TTC7A: variants seen among roughly 807,000 people sequenced by gnomAD.
TTC7A encodes tetratricopeptide repeat domain 7A.
A neutral mutation model predicts 103.7 loss-of-function variants in TTC7A; 110 were observed. That is an observed-to-expected ratio of 1.06 (90% CI 0.91 to 1.24). The LOEUF (loss-of-function observed/expected upper bound fraction) is 1.24, where lower values mean the gene tolerates loss of function less well. TTC7A is among the 50% of genes most tolerant of loss of function. The probability of loss-of-function intolerance (pLI) is 0.00; values close to 1 mark genes in which losing one functional copy is unlikely to be tolerated. For missense variants in TTC7A, 1,340 were observed against 1,116.3 expected, an observed-to-expected ratio of 1.20 and a Z score of -2.86; for synonymous variants, 521 against 467.9, an observed-to-expected ratio of 1.11 and a Z score of -1.47.
At chr2:46,947,227 C>G (rs781010079) in intron 1 of TTC7A, among the ~76,000 whole-genome samples, 2 of 152,116 alleles carry the variant, frequency 1.3e-5, no homozygotes, top group Non-Finnish European at 2.9e-5. Flanking sequence ...GTGACCCTAA[C>G]AATATTGCAT....
intron 1 of TTC7A, among the ~76,000 whole-genome samples, chr2:46,948,602 G>C (rs77373313): frequency 0.02 from 3,002 of 152,266 alleles, 37 homozygotes; most frequent in Middle Eastern, 0.058. Context: ...CTTACGGTGA[G>C]AGATTCTTCT....
chr2:46,978,756 T>C, intron 4 of TTC7A, 36 bp from the exon 5 acceptor site: 1 of 1,575,666 alleles, frequency 6.3e-7, no homozygotes, highest in South Asian at 1.1e-5. Context: ...CCTCAGAACT[T>C]TGAGACAATG....
At chr2:47,002,135 T>C (rs1370658763) in intron 8 of TTC7A, among the ~76,000 whole-genome samples, 1 of 152,164 alleles carries the variant, frequency 6.6e-6, no homozygotes, top group Non-Finnish European at 1.5e-5. Flanking sequence ...TGTTCTTTAA[T>C]TGAGGAGGGG....
At chr2:47,051,987 A>G in intron 18 of TTC7A, 107 bp downstream of exon 18, 4 of 1,416,072 alleles carry the variant, frequency 2.8e-6, no homozygotes, top group Non-Finnish European at 3.8e-6. Flanking sequence ...ACACCTTGCT[A>G]GGCCCACGCG....
At chr2:46,960,535 T>A (rs2104060981) in intron 3 of TTC7A, among the ~76,000 whole-genome samples, 1 of 152,312 alleles carries the variant, frequency 6.6e-6, no homozygotes, top group Non-Finnish European at 1.5e-5. Context: ...ACCCAGGAGC[T>A]TGCAGGGGCC....
At position 47,029,272 on chromosome 2, in the gene TTC7A, G is replaced by A; in HGVS notation, c.1690G>A (p.Asp564Asn). ...QLQEALKVRKDDAHALHLLAL... is the reference protein window; with the variant it reads ...QLQEALKVRKNDAHALHLLAL... Reference sequence around the variant, plus strand: ...GCAGGAGGCCCTGAAGGTACGCAAGGATGATGCCCACGCCCTCCACCTGCT... The same window carrying A: ...GCAGGAGGCCCTGAAGGTACGCAAGAATGATGCCCACGCCCTCCACCTGCT... The change falls in exon 15 of 20, where the codon GAT becomes AAT. Residue 564 changes from aspartate (D) to asparagine (N), a missense_variant. By Grantham distance (23) the Asp-to-Asn change is conservative. Transcript: ENST00000319190. The A allele has an allele frequency of 6.2e-7, 1 of 1,614,044 alleles. No individual in the cohort carries two copies. Among genetic ancestry groups the A allele is most frequent in the Non-Finnish European group, 8.5e-7 (1 of 1,180,036 alleles).
At chr2:47,045,036 G>A (rs1253686446) in intron 15 of TTC7A, among the ~76,000 whole-genome samples, 4 of 152,216 alleles carry the variant, frequency 2.6e-5, no homozygotes, top group Non-Finnish European at 4.4e-5. Context: ...CCTCAGGTGG[G>A]CTGGTAGAAC....
At chr2:47,065,914 AGAG>A (rs2104801307) in intron 19 of TTC7A, 1 of 152,250 alleles carries the variant, frequency 6.6e-6, no homozygotes, top group Admixed American at 6.5e-5. Context: ...CAGACTCTGG[AGAG>A]GAGGAGTTTC....
At chr2:47,054,445 C>A (rs1683148520) in intron 18 of TTC7A, among the ~76,000 whole-genome samples, 1 of 152,182 alleles carries the variant, frequency 6.6e-6, no homozygotes, top group Non-Finnish European at 1.5e-5. Context: ...ACATCACCTC[C>A]CCTCATGATC....
intron 1 of TTC7A, among the ~76,000 whole-genome samples, chr2:46,944,644 G>A (rs917293129): frequency 6.6e-6 from 1 of 152,116 alleles, no homozygotes; most frequent in Non-Finnish European, 1.5e-5. Flanking sequence ...GATCACTTGA[G>A]GCCAGGAGTT....
intron 5 of TTC7A, among the ~76,000 whole-genome samples, chr2:46,985,124 T>C (rs1271290069): frequency 1.3e-5 from 2 of 152,320 alleles, no homozygotes; most frequent in Non-Finnish European, 2.9e-5. Context: ...AGGTGTTGAC[T>C]GACCGTCACC....
rs567898240 is a variant in TTC7A, at chr2:47,059,104, C to A, written c.2153-1665C>A. Among the ~76,000 whole-genome samples the A allele has an allele frequency of 4.0e-5, 6 of 149,828 alleles. No homozygotes were observed. The East Asian group carries it at 9.8e-4, about 24-fold the overall frequency. On this transcript the variant is annotated intron_variant, in intron 18 of 19. Transcript: ENST00000319190. ...TGGCGCGATCGCAGCTCACCACAAC[C>A]TCCGCCTCCCAGATTCAATGAACTC...
intron 15 of TTC7A, among the ~76,000 whole-genome samples, chr2:47,032,858 GCAAAAAA>G (rs1680709817): frequency 8.4e-5 from 2 of 23,888 alleles, no homozygotes; most frequent in African/African-American, 4.7e-4. Context: ...GTTGTTTTAA[GCAAAAAA>G]AAAAAAAAAA....
rs931044353 is a variant in TTC7A at position 47,007,826 on chromosome 2, A to G, written c.1287+1102A>G. Reference sequence around the variant, plus strand: ...CATCACATCGGACACCTCACAGAGCATCTTGAAGTCACAGCATGATCTCCT... The same window carrying G: ...CATCACATCGGACACCTCACAGAGCGTCTTGAAGTCACAGCATGATCTCCT... On this transcript the variant is annotated intron_variant, in intron 10 of 19. Coordinates refer to ENST00000319190, the MANE Select transcript of TTC7A (RefSeq NM_020458.4). This position sits in a 1 kb window ranked among gnomAD's most constrained non-coding sequence, Gnocchi z 4.9. Among the ~76,000 whole-genome samples the G allele has an allele frequency of 6.6e-6, 1 of 152,202 alleles. No individual in the cohort carries two copies. The highest frequency in any genetic ancestry group is 1.5e-5 in the Non-Finnish European group (1 of 68,024).
intron 8 of TTC7A, among the ~76,000 whole-genome samples, chr2:47,002,542 G>A (rs1478164004): frequency 6.7e-6 from 1 of 149,488 alleles, no homozygotes; most frequent in Non-Finnish European, 1.5e-5. Flanking sequence ...CCCAGAGCAT[G>A]GGGGTACACC....
intron 5 of TTC7A, among the ~76,000 whole-genome samples, chr2:46,981,943 G>A (rs1674510323): frequency 6.6e-6 from 1 of 152,230 alleles, no homozygotes; most frequent in South Asian, 2.1e-4. Flanking sequence ...GTGGACCTGG[G>A]CCTTGGGGAG....
Position 47,046,442 on chromosome 2 carries a change from G to C in TTC7A, c.1919+11G>C, listed in dbSNP as rs149412946. On this transcript the variant is annotated intron_variant, in intron 16 of 19. Transcript: ENST00000319190. Reference sequence around the variant, plus strand: ...CTTCTCCCAGCTGGGGTGAGTGGCCGTCATTGTCTCTTGGGTTGCCAGAGG... The same window carrying C: ...CTTCTCCCAGCTGGGGTGAGTGGCCCTCATTGTCTCTTGGGTTGCCAGAGG... The C allele has an allele frequency of 1.9e-3, 3,045 of 1,608,660 alleles. 5 individuals are homozygous for C. The highest frequency in any genetic ancestry group is 5.0e-3 in the Middle Eastern group (30 of 6,032).
chr2:47,061,031 C>T (rs537476034), intron 19 of TTC7A, 60 bp downstream of exon 19: 87 of 1,485,540 alleles, frequency 5.9e-5, no homozygotes, highest in South Asian at 9.0e-5. Flanking sequence ...GCCCTTATCC[C>T]GCTTTGTCCC....
intron 14 of TTC7A, among the ~76,000 whole-genome samples, chr2:47,025,971 T>C (rs996690938): frequency 2.0e-5 from 3 of 152,210 alleles, no homozygotes; most frequent in South Asian, 4.1e-4. Context: ...CGATAAACCT[T>C]TGGTGATGCA....
Sources: gnomAD v4.1 joint callset for allele counts (sites outside exome capture counted in the v4.1 genomes callset) on GRCh38, gnomAD v4.1.1 for gene constraint, Gnocchi (gnomAD v3.1) non-coding constraint, MANE v1.5 for transcripts, NCBI Gene and HGNC (gene_info 2026-07-23, HGNC 2026-07-21) for gene names.